The following ADAM23 variants were observed in gnomAD, a reference collection of about 807,000 sequenced individuals.
The protein encoded by ADAM23 is disintegrin and metalloproteinase domain-containing protein 23.
Under a neutral mutation model 120.1 loss-of-function variants are expected in ADAM23, and 33 were observed. That is an observed-to-expected ratio of 0.27 (90% CI 0.21 to 0.37). The LOEUF (loss-of-function observed/expected upper bound fraction) is 0.37, where lower values mean the gene tolerates loss of function less well. Ranked by LOEUF, ADAM23 falls within the 10% of genes least tolerant of loss-of-function variation. The pLI is 1.00. For synonymous variants in ADAM23, 367 were observed against 375.2 expected (o/e 0.98, Z 0.25); for missense variants, 862 against 1,058.2 (o/e 0.81, Z 2.57).
intron 3 of ADAM23, among the ~76,000 whole-genome samples, chr2:206,521,452 T>C (rs1696840599): frequency 6.6e-6 from 1 of 152,284 alleles, no homozygotes; most frequent in African/African-American, 2.4e-5. Context: ...TTTAAAAATA[T>C]AGCTTGTATT....
At chr2:206,598,402 A>G (rs1444641653) in intron 24 of ADAM23, among the ~76,000 whole-genome samples, 1 of 152,168 alleles carries the variant, frequency 6.6e-6, no homozygotes, top group East Asian at 1.9e-4. Flanking sequence ...CTTTGGAGGC[A>G]TTAAGTAAAG....
At chr2:206,568,039 A>G (rs941522602) in intron 15 of ADAM23, among the ~76,000 whole-genome samples, 6 of 152,160 alleles carry the variant, frequency 3.9e-5, no homozygotes, top group African/African-American at 9.7e-5. Context: ...CCCTCCCTCA[A>G]CAGTGGAGAG....
intron 3 of ADAM23, among the ~76,000 whole-genome samples, chr2:206,488,071 A>C (rs1041637618): frequency 2.6e-5 from 4 of 152,238 alleles, no homozygotes; most frequent in Non-Finnish European, 5.9e-5. Flanking sequence ...TTTGCTCGTT[A>C]AAAGCAGTTC....
chr2:206,505,020 A>T (rs1305300507), intron 3 of ADAM23, among the ~76,000 whole-genome samples: 3 of 152,236 alleles, frequency 2.0e-5, no homozygotes, highest in East Asian at 3.8e-4. Context: ...GGTCTTCAGT[A>T]CCAGATTTGA....
At position 206,488,757 on chromosome 2, in the gene ADAM23, G is replaced by A. The variant is rs1045004502; in HGVS notation, c.509+7449G>A. Among the ~76,000 whole-genome samples the A allele has an allele frequency of 2.6e-5, 4 of 152,192 alleles. 1 individual carries two copies. The highest frequency in any genetic ancestry group is 9.7e-5 in the African/African-American group (4 of 41,444). On this transcript the variant is annotated intron_variant, in intron 3 of 25. Transcript: ENST00000264377. ...CAGTGTGTGGAAGTGAATGCCAAGG[G>A]CATAGTGGCAGGGCCCAGTGGAGCC...
Position 206,570,911 on chromosome 2 carries a change from G to A in ADAM23, c.1566+100G>A, listed in dbSNP as rs370182212. 49 of 1,011,354 alleles carry A rather than the reference G, an allele frequency of 4.8e-5. No homozygotes were observed. In the African/African-American group the frequency reaches 7.6e-4, roughly 16 times the overall value. The allele number at this position is 1,011,354 out of a possible 1,614,324, so 62.6% of individuals were successfully genotyped here. A position where few individuals can be genotyped will look rare whatever the true frequency, so the allele number is the denominator to read the frequency against. ...CCAGCACATTGATTGTGGTCTTACT[G>A]CCTTTCTTTCTCATCTCTCTGATTA... On this transcript the variant is annotated intron_variant, in intron 16 of 25. Transcript: ENST00000264377.
chr2:206,592,519 A>G lies in ADAM23; in HGVS notation c.1959-98A>G, dbSNP rs138178819. The G allele has an allele frequency of 4.5e-4, 630 of 1,415,606 alleles. 1 individual carries two copies. The African/African-American group carries it at 8.4e-3, about 19-fold the overall frequency. The allele number at this position is 1,415,606 out of a possible 1,614,324, so 87.7% of individuals were successfully genotyped here. A position where few individuals can be genotyped will look rare whatever the true frequency, so the allele number is the denominator to read the frequency against. On this transcript the variant is annotated intron_variant, in intron 21 of 25. Transcript: ENST00000264377. ...ATGTTTTTGTTTAGAAAGAAAGATA[A>G]TATTTTAAAAATTTGAATCAATGTG... is the stretch of plus-strand genomic sequence containing the variant.
chr2:206,580,668 G>T (rs1698203896), intron 18 of ADAM23, among the ~76,000 whole-genome samples: 1 of 152,110 alleles, frequency 6.6e-6, no homozygotes, highest in Admixed American at 6.5e-5. Flanking sequence ...GGATATCGGT[G>T]TGTAGTTTTC....
intron 3 of ADAM23, among the ~76,000 whole-genome samples, chr2:206,499,600 T>C (rs1475765895): frequency 6.6e-6 from 1 of 151,902 alleles, no homozygotes; most frequent in African/African-American, 2.4e-5. Context: ...GTAACAAACC[T>C]GCACGTTGTG....
chr2:206,456,595 T>G (rs575710304), intron 2 of ADAM23, among the ~76,000 whole-genome samples: 1 of 152,296 alleles, frequency 6.6e-6, no homozygotes, highest in Admixed American at 6.5e-5. Flanking sequence ...GACCAGTGAC[T>G]ATGTTGCTCT....
intron 16 of ADAM23, 77 bp from the exon 17 acceptor site, chr2:206,571,650 G>T (rs922233254): frequency 4.1e-6 from 4 of 976,826 alleles, no homozygotes; most frequent in South Asian, 2.7e-5. Context: ...TTTGGAATAT[G>T]CATGCCACGT....
At chr2:206,589,324 G>A in intron 20 of ADAM23, 85 bp from the exon 21 acceptor site, 2 of 1,045,920 alleles carry the variant, frequency 1.9e-6, no homozygotes, top group Non-Finnish European at 2.8e-6. Flanking sequence ...GGAGAATCGG[G>A]TGTTAAACAC....
intron 24 of ADAM23, among the ~76,000 whole-genome samples, chr2:206,597,497 A>T (rs998241224): frequency 4.6e-5 from 7 of 152,050 alleles, no homozygotes; most frequent in African/African-American, 1.4e-4. Context: ...AGTCTGTGTT[A>T]TCAGGAGTAT....
At chr2:206,596,228 T>A in intron 24 of ADAM23, 66 bp downstream of exon 24, 1 of 1,201,784 alleles carries the variant, frequency 8.3e-7, no homozygotes, top group Non-Finnish European at 1.2e-6. Flanking sequence ...AATGCACCAG[T>A]ATAACATTCT....
At chr2:206,480,898 G>A (rs1574489574) in intron 2 of ADAM23, among the ~76,000 whole-genome samples, 2 of 152,272 alleles carry the variant, frequency 1.3e-5, no homozygotes, top group Admixed American at 6.5e-5. Context: ...TGCACAAAAC[G>A]GGCTGAAATC....
At chr2:206,529,132 T>C (rs1243149385) in intron 3 of ADAM23, among the ~76,000 whole-genome samples, 1 of 152,180 alleles carries the variant, frequency 6.6e-6, no homozygotes, top group Non-Finnish European at 1.5e-5. Flanking sequence ...CCAATTAATG[T>C]GTACCTAATC....
At chr2:206,586,890 C>G (rs1348751765) in intron 18 of ADAM23, among the ~76,000 whole-genome samples, 1 of 152,164 alleles carries the variant, frequency 6.6e-6, no homozygotes, top group Non-Finnish European at 1.5e-5. Context: ...TTCTGTTTCA[C>G]TAAAGTAGCC....
At chr2:206,561,010 G>A in intron 11 of ADAM23, 118 bp from the exon 12 acceptor site, 2 of 734,208 alleles carry the variant, frequency 2.7e-6, no homozygotes, top group Non-Finnish European at 4.6e-6. Context: ...TAAAGTTTTT[G>A]ATTTCTTGGA....
intron 18 of ADAM23, among the ~76,000 whole-genome samples, chr2:206,583,696 A>G (rs1698266558): frequency 6.6e-6 from 1 of 151,920 alleles, no homozygotes; most frequent in African/African-American, 2.4e-5. Flanking sequence ...AATGTGTCCA[A>G]AGTTTCCTGA....
Sources: allele counts gnomAD v4.1 joint callset (sites outside exome capture counted in the v4.1 genomes callset), GRCh38; gene constraint gnomAD v4.1.1; transcripts MANE v1.5; gene names NCBI Gene and HGNC (gene_info 2026-07-23, HGNC 2026-07-21).